Variants in ERC2 observed in about 807,000 individuals in gnomAD.
The protein encoded by ERC2 is ERC protein 2.
In ERC2, 42 loss-of-function variants were observed where a neutral mutation model predicts 114.8. That is an observed-to-expected ratio of 0.37 (90% CI 0.29 to 0.47). The LOEUF is 0.47. ERC2 is among the 20% of genes least tolerant of loss of function. The pLI, the probability that ERC2 is intolerant of heterozygous loss-of-function variation, is 0.99. For missense variants in ERC2, 939 were observed against 1,150.7 expected (o/e 0.82, Z 2.66); for synonymous variants, 454 against 425.5 (o/e 1.07, Z -0.82).
chr3:55,547,543 C>T (rs557363726), intron 17 of ERC2, among the ~76,000 whole-genome samples: 5 of 152,302 alleles, frequency 3.3e-5, no homozygotes, highest in Non-Finnish European at 7.3e-5. Flanking sequence ...ATTGTTGCTC[C>T]GGCAGCTCCT....
At chr3:56,032,505 T>C (rs141892612) in intron 7 of ERC2, among the ~76,000 whole-genome samples, 260 of 152,192 alleles carry the variant, frequency 1.7e-3, no homozygotes, top group African/African-American at 5.8e-3. Flanking sequence ...GAAAACTACC[T>C]AAATCTGGAG....
chr3:56,447,748 G>T (rs900391209), intron 1 of ERC2, among the ~76,000 whole-genome samples: 1 of 151,536 alleles, frequency 6.6e-6, no homozygotes, highest in African/African-American at 2.4e-5. Context: ...CACGTTAATT[G>T]ATTTTTTTTT....
chr3:56,063,517 A>G (rs1042659275), intron 7 of ERC2, among the ~76,000 whole-genome samples: 6 of 152,244 alleles, frequency 3.9e-5, no homozygotes, highest in South Asian at 4.1e-4. Context: ...TGTTCATTCA[A>G]CAAATACCTC....
rs148600440 is a variant in ERC2 at position 55,801,919 on chromosome 3, C to T, written c.2565-67001G>A. Among the ~76,000 whole-genome samples the T allele has an allele frequency of 3.0e-3, 450 of 152,358 alleles. 4 individuals carry two copies. Among genetic ancestry groups the T allele is most frequent in the African/African-American group, 0.01 (427 of 41,586 alleles). On this transcript the variant is annotated intron_variant, in intron 14 of 17. Transcript: ENST00000288221. Reference sequence around the variant, plus strand: ...CTGGGAGCCCTGCTCCCAGAACTTCCGATCCAGTGGGTCTGGGGCAAGGCC... The same window carrying T: ...CTGGGAGCCCTGCTCCCAGAACTTCTGATCCAGTGGGTCTGGGGCAAGGCC...
At chr3:56,331,735 G>T (rs1273941503) in intron 2 of ERC2, among the ~76,000 whole-genome samples, 1 of 152,178 alleles carries the variant, frequency 6.6e-6, no homozygotes, top group Non-Finnish European at 1.5e-5. Context: ...CGGCCACACT[G>T]CAGTAACCAC....
chr3:56,420,709 C>A lies in ERC2; in HGVS notation c.657+13642G>T, dbSNP rs1296491091. On this transcript the variant is annotated intron_variant, in intron 2 of 17. Coordinates refer to ENST00000288221, the MANE Select transcript of ERC2 (RefSeq NM_015576.3). ...GACCAACCTGGCTAACACGGTGAAA[C>A]CCCGTCTCTACTAAAAATACAAAAA... is the stretch of plus-strand genomic sequence containing the variant. Among the ~76,000 whole-genome samples, 8 of 150,896 alleles carry A rather than the reference C, an allele frequency of 5.3e-5. No individual in the cohort carries two copies. The East Asian group carries it at 1.2e-3, about 22-fold the overall frequency.
chr3:56,345,016 A>C (rs941696568), intron 2 of ERC2, among the ~76,000 whole-genome samples: 3 of 152,230 alleles, frequency 2.0e-5, no homozygotes, highest in Non-Finnish European at 4.4e-5. Context: ...CTAACTTATA[A>C]AGAAAAGAGG....
chr3:55,662,317 T>A (rs558893556), intron 17 of ERC2, among the ~76,000 whole-genome samples: 1 of 152,214 alleles, frequency 6.6e-6, no homozygotes, highest in Non-Finnish European at 1.5e-5. Context: ...TGGCAAACTA[T>A]CTAAATGCCC....
In ERC2 at chr3:56,290,951, G is replaced by A. The variant is rs1305051481; in HGVS notation, c.1074+5068C>T. Among the ~76,000 whole-genome samples the A allele has an allele frequency of 2.0e-5, 3 of 152,140 alleles. No homozygotes were observed. In the East Asian group the frequency reaches 5.8e-4, roughly 29 times the overall value. ...CTCTTCTGGCCCTGCTACCAAAGAA[G>A]GGCAAGATGCCCAAAAGGATTAACA... is the stretch of plus-strand genomic sequence containing the variant. On this transcript the variant is annotated intron_variant, in intron 3 of 17. Coordinates refer to ENST00000288221, the MANE Select transcript of ERC2 (RefSeq NM_015576.3).
intron 3 of ERC2, among the ~76,000 whole-genome samples, chr3:56,178,602 A>G (rs2083112156): frequency 6.6e-6 from 1 of 152,256 alleles, no homozygotes; most frequent in African/African-American, 2.4e-5. Context: ...AATCAATAGG[A>G]AAGGAACACT....
intron 14 of ERC2, among the ~76,000 whole-genome samples, chr3:55,877,196 C>T (rs1286545561): frequency 1.3e-5 from 2 of 152,174 alleles, no homozygotes; most frequent in African/African-American, 4.8e-5. Context: ...TTAGCAGCCT[C>T]CTGGCCTCTA....
chr3:56,080,668 C>G (rs2149756395), intron 7 of ERC2, 149 bp downstream of exon 7: 1 of 695,368 alleles, frequency 1.4e-6, no homozygotes, highest in South Asian at 2.4e-5. Context: ...CATGATGCAA[C>G]TACCAGTAAG....
intron 17 of ERC2, among the ~76,000 whole-genome samples, chr3:55,647,411 C>T (rs1440966594): frequency 1.3e-5 from 2 of 152,160 alleles, no homozygotes; most frequent in East Asian, 3.8e-4. Context: ...ATGTGAACTT[C>T]TACATAACAC....
At chr3:56,042,684 T>C (rs1443228368) in intron 7 of ERC2, among the ~76,000 whole-genome samples, 2 of 151,974 alleles carry the variant, frequency 1.3e-5, no homozygotes, top group Admixed American at 6.6e-5. Context: ...TCGTCAGCAG[T>C]CTGACTTCAA....
Position 56,049,331 on chromosome 3 carries a change from G to T in ERC2, c.1642-30300C>A, listed in dbSNP as rs548119682. On this transcript the variant is annotated intron_variant, in intron 7 of 17. Transcript: ENST00000288221. ...GAGGTGCCCCATGTGATCATGACTGGACCACTTTAACAGGTGAAGGAACAA... is the reference window on the plus strand; with the variant it reads ...GAGGTGCCCCATGTGATCATGACTGTACCACTTTAACAGGTGAAGGAACAA... 3.9e-4 allele frequency among the ~76,000 whole-genome samples: 60 copies of T among 152,266 alleles called. 1 individual carries two copies. Among genetic ancestry groups the T allele is most frequent in the Admixed American group, 2.6e-3 (39 of 15,292 alleles).
intron 13 of ERC2, among the ~76,000 whole-genome samples, chr3:55,899,760 C>A (rs768291077): frequency 6.6e-6 from 1 of 152,004 alleles, no homozygotes; most frequent in Non-Finnish European, 1.5e-5. Flanking sequence ...GGAAATGTAT[C>A]AAAATATTCA....
chr3:55,894,549 T>C (rs1000815009), intron 13 of ERC2, among the ~76,000 whole-genome samples: 2 of 152,210 alleles, frequency 1.3e-5, no homozygotes, highest in African/African-American at 4.8e-5. Flanking sequence ...TTGAACATTA[T>C]ACCCAACAGG....
At chr3:56,055,377 T>C (rs1222286024) in intron 7 of ERC2, among the ~76,000 whole-genome samples, 1 of 152,182 alleles carries the variant, frequency 6.6e-6, no homozygotes, top group Admixed American at 6.5e-5. Flanking sequence ...AGCAAGTCAT[T>C]TTCCTCCCTT....
At chr3:56,147,869 A>G (rs1404242719) in intron 5 of ERC2, among the ~76,000 whole-genome samples, 1 of 152,232 alleles carries the variant, frequency 6.6e-6, no homozygotes, top group Admixed American at 6.5e-5. Context: ...ATAATTATGC[A>G]TATGTAAAAA....
Sources: allele counts gnomAD v4.1 joint callset (sites outside exome capture counted in the v4.1 genomes callset), GRCh38; gene constraint gnomAD v4.1.1; transcripts MANE v1.5; gene names NCBI Gene and HGNC (gene_info 2026-07-23, HGNC 2026-07-21).